Variants in CSPP1 observed in about 807,000 individuals in gnomAD.
The protein encoded by CSPP1 is centrosome and spindle pole associated protein 1, also known as centrosome and spindle pole-associated protein 1.
A neutral mutation model predicts 164.4 loss-of-function variants in CSPP1; 126 were observed. That is an observed-to-expected ratio of 0.77 (90% CI 0.66 to 0.89). CSPP1 has a LOEUF of 0.89. Ranked by LOEUF, CSPP1 falls within the 40% of genes least tolerant of loss-of-function variation. CSPP1 has a pLI of 0.00. For missense variants in CSPP1, 1,395 were observed against 1,449.8 expected (o/e 0.96, Z 0.61); for synonymous variants, 472 against 476.7 (o/e 0.99, Z 0.13).
chr8:67,080,156 G>A (rs1447287214), intron 3 of CSPP1, among the ~76,000 whole-genome samples: 1 of 152,118 alleles, frequency 6.6e-6, no homozygotes, highest in East Asian at 1.9e-4. Flanking sequence ...GGCAACTAAG[G>A]GTTTTCCTTA....
intron 28 of CSPP1, among the ~76,000 whole-genome samples, chr8:67,180,476 G>T (rs184012141): frequency 9.2e-5 from 14 of 152,288 alleles, no homozygotes; most frequent in Admixed American, 5.9e-4. Context: ...CAAGAAGAGG[G>T]ATCCTTGTGG....
chr8:67,195,259 G>A (rs771254493), intron 30 of CSPP1, 123 bp from the exon 31 acceptor site: 2 of 744,488 alleles, frequency 2.7e-6, no homozygotes, highest in Non-Finnish European at 4.9e-6. Flanking sequence ...AAACAGTAGA[G>A]TTCAGGATAT....
chr8:67,107,540 A>G (rs971637942), intron 9 of CSPP1, among the ~76,000 whole-genome samples: 19 of 152,234 alleles, frequency 1.2e-4, no homozygotes, highest in African/African-American at 4.1e-4. Context: ...AACATTTGAA[A>G]CTGTTAAAGT....
intron 17 of CSPP1, among the ~76,000 whole-genome samples, chr8:67,139,760 G>T (rs1273252708): frequency 6.6e-6 from 1 of 152,018 alleles, no homozygotes; most frequent in African/African-American, 2.4e-5. Context: ...ACCAAACACC[G>T]CATGTTCTCA....
chr8:67,141,495 T>C (rs1823483856), intron 17 of CSPP1, among the ~76,000 whole-genome samples: 1 of 152,210 alleles, frequency 6.6e-6, no homozygotes, highest in East Asian at 1.9e-4. Context: ...AGTATCAGTT[T>C]ATTTTGTATG....
rs1563714505 is a variant in CSPP1 at position 67,159,971 on chromosome 8, CTTTTCT to C, written c.2538+838_2538+843del. On this transcript the variant is annotated intron_variant, in intron 21 of 30. Transcript: ENST00000678616. The stretch of plus-strand genomic sequence containing the variant: ...CTTCCTTCCTTCTTTCTTTTCTTTT[CTTTTCT>C]TTTCTTTTCTTTTCTTTTCTTTTCT... 1.3e-4 allele frequency among the ~76,000 whole-genome samples: 7 copies of C among 52,004 alleles called. 1 individual carries two copies. The highest frequency in any genetic ancestry group is 2.5e-4 in the Admixed American group (1 of 4,018). 34.1% of individuals were successfully genotyped at this position (52,004 alleles called of 152,430 possible). A position where few individuals can be genotyped will look rare whatever the true frequency, so the allele number is the denominator to read the frequency against.
At chr8:67,122,166 A>G (rs1180168383) in intron 15 of CSPP1, among the ~76,000 whole-genome samples, 1 of 151,526 alleles carries the variant, frequency 6.6e-6, no homozygotes, top group African/African-American at 2.4e-5. Context: ...GATCTTTTCA[A>G]ATAACAAACT....
chr8:67,191,791 T>TA lies in CSPP1; in HGVS notation c.3330+1033dup, dbSNP rs1486275599. Among the ~76,000 whole-genome samples, 4 of 152,376 alleles carry TA rather than the reference T, an allele frequency of 2.6e-5. No individual in the cohort carries two copies. In the East Asian group the frequency reaches 7.7e-4, roughly 29 times the overall value. ...TACCTAGAAGGAAATTGTTGGGTTA[T>TA]ATGGACACTTTGTATTTAGCATTTT... On this transcript the variant is annotated intron_variant, in intron 29 of 30. Coordinates refer to ENST00000678616, the MANE Select transcript of CSPP1 (RefSeq NM_001382391.1).
intron 3 of CSPP1, among the ~76,000 whole-genome samples, chr8:67,085,043 T>G (rs1387706311): frequency 6.6e-6 from 1 of 152,182 alleles, no homozygotes; most frequent in Non-Finnish European, 1.5e-5. Flanking sequence ...TCATCATCCC[T>G]AAATGTAATT....
At chr8:67,153,482 G>A (rs933975008) in intron 18 of CSPP1, among the ~76,000 whole-genome samples, 2 of 151,812 alleles carry the variant, frequency 1.3e-5, no homozygotes, top group South Asian at 2.1e-4. Context: ...AAATAAAAAC[G>A]ATTACAATAA....
chr8:67,191,691 C>T (rs1337548843), intron 29 of CSPP1, among the ~76,000 whole-genome samples: 1 of 152,110 alleles, frequency 6.6e-6, no homozygotes, highest in African/African-American at 2.4e-5. Context: ...GGGTTGTTTT[C>T]ACTTTTTAGC....
At chr8:67,147,563 C>G (rs898908292) in intron 17 of CSPP1, among the ~76,000 whole-genome samples, 13 of 152,122 alleles carry the variant, frequency 8.5e-5, no homozygotes, top group African/African-American at 2.7e-4. Context: ...CGCGCCCCAC[C>G]ACCCCATGCC....
At chr8:67,068,952 C>T (rs542295086) in intron 1 of CSPP1, 2 of 152,144 alleles carry the variant, frequency 1.3e-5, no homozygotes, top group Non-Finnish European at 2.9e-5. Flanking sequence ...ATTAGCCTCC[C>T]CCTATATTTT....
At chr8:67,167,397 GC>G (rs1376146888) in intron 24 of CSPP1, among the ~76,000 whole-genome samples, 1 of 141,946 alleles carries the variant, frequency 7.0e-6, no homozygotes, top group African/African-American at 2.6e-5. Context: ...GGCGGGGGCT[GC>G]CCCCCACCTC....
chr8:67,105,174 T>G (rs183296305), intron 8 of CSPP1, among the ~76,000 whole-genome samples: 1 of 150,816 alleles, frequency 6.6e-6, no homozygotes, highest in East Asian at 2.0e-4. Context: ...TATAGGCGTG[T>G]GCCACCATGT....
chr8:67,137,997 T>G (rs1465466163), intron 17 of CSPP1, among the ~76,000 whole-genome samples: 3 of 152,192 alleles, frequency 2.0e-5, no homozygotes, highest in Admixed American at 2.0e-4. Flanking sequence ...AAAACAGTTT[T>G]GGGAGGGGAT....
chr8:67,116,137 G>A lies in CSPP1; in HGVS notation c.1496+15G>A, dbSNP rs368419176. 1.3e-5 allele frequency: 21 copies of A among 1,592,840 alleles called. No individual in the cohort carries two copies. The highest frequency in any genetic ancestry group is 1.8e-5 in the Non-Finnish European group (21 of 1,160,830). On this transcript the variant is annotated intron_variant, in intron 13 of 30. Transcript: ENST00000678616. Reference sequence around the variant, plus strand: ...GTGTCTCCCAGGTGCTTGTTTAAATGTTTTGTGTTTGGGAATTAGGTAAGG... The same window carrying A: ...GTGTCTCCCAGGTGCTTGTTTAAATATTTTGTGTTTGGGAATTAGGTAAGG...
At chr8:67,110,144 T>C (rs1816544129) in intron 9 of CSPP1, among the ~76,000 whole-genome samples, 1 of 151,086 alleles carries the variant, frequency 6.6e-6, no homozygotes, top group South Asian at 2.1e-4. Context: ...TCCTGTTTGC[T>C]TATCTGTCCA....
intron 16 of CSPP1, chr8:67,133,751 C>A (rs1158087065): frequency 6.6e-6 from 1 of 152,192 alleles, no homozygotes; most frequent in East Asian, 1.9e-4. Flanking sequence ...CCACAGTAGA[C>A]CTTCTTTCAA....
Sources: allele counts gnomAD v4.1 joint callset (sites outside exome capture counted in the v4.1 genomes callset), GRCh38; gene constraint gnomAD v4.1.1; transcripts MANE v1.5; gene names NCBI Gene and HGNC (gene_info 2026-07-23, HGNC 2026-07-21).